Variants in TDRD3 observed in about 807,000 individuals in gnomAD.
TDRD3 encodes the protein tudor domain-containing protein 3.
In TDRD3, 45 loss-of-function variants were observed where a neutral mutation model predicts 86.7. That is an observed-to-expected ratio of 0.52 (90% confidence interval 0.41 to 0.67). The LOEUF (loss-of-function observed/expected upper bound fraction) is 0.67. Ranked by LOEUF, TDRD3 falls within the 30% of genes least tolerant of loss-of-function variation. The probability of loss-of-function intolerance (pLI) is 0.00; values close to 1 mark genes in which losing one functional copy is unlikely to be tolerated. For synonymous variants in TDRD3, 298 were observed against 301.7 expected, an observed-to-expected ratio of 0.99 and a Z score of 0.13; for missense variants, 814 against 889.0, an observed-to-expected ratio of 0.92 and a Z score of 1.07.
chr13:60,466,964 ATG>A (rs1015388121), intron 4 of TDRD3, among the ~76,000 whole-genome samples: 8 of 151,858 alleles, frequency 5.3e-5, no homozygotes, highest in Non-Finnish European at 1.0e-4. Context: ...AGAGCTTCAA[ATG>A]TGTGTGTGTT....
chr13:60,455,316 T>C lies in TDRD3; in HGVS notation c.193-5064T>C, dbSNP rs150164476. 2.0e-5 allele frequency among the ~76,000 whole-genome samples: 3 copies of C among 152,378 alleles called. No individual in the cohort carries two copies. The East Asian group carries it at 5.8e-4, about 29-fold the overall frequency. On this transcript the variant is annotated intron_variant, in intron 3 of 13. Coordinates refer to ENST00000377881, the MANE Select transcript of TDRD3 (RefSeq NM_001146070.2). ...GTCGTCATAAGTGCTATTTAAAGCT[T>C]ATCTTTCAGGCTTTTAAAGCAGCTA...
chr13:60,554,103 C>T (rs904040406), intron 12 of TDRD3, among the ~76,000 whole-genome samples: 1 of 152,132 alleles, frequency 6.6e-6, no homozygotes, highest in African/African-American at 2.4e-5. Context: ...CAGTGATTTT[C>T]GTTTTAGCTC....
intron 12 of TDRD3, among the ~76,000 whole-genome samples, chr13:60,550,260 C>A (rs1462311475): frequency 6.6e-6 from 1 of 151,986 alleles, no homozygotes; most frequent in Non-Finnish European, 1.5e-5. Flanking sequence ...GTGATAAATT[C>A]TTTGGTAAAT....
intron 13 of TDRD3, among the ~76,000 whole-genome samples, chr13:60,571,166 A>G (rs1349253798): frequency 6.6e-6 from 1 of 152,206 alleles, no homozygotes; most frequent in Non-Finnish European, 1.5e-5. Flanking sequence ...ACCCTAAAAA[A>G]TAAGACATGT....
At chr13:60,476,723 T>A (rs1956193795) in intron 5 of TDRD3, among the ~76,000 whole-genome samples, 1 of 152,182 alleles carries the variant, frequency 6.6e-6, no homozygotes, top group South Asian at 2.1e-4. Context: ...TTGTGTTGTC[T>A]CTGATTTCTT....
intron 1 of TDRD3, among the ~76,000 whole-genome samples, chr13:60,400,078 A>C (rs571602727): frequency 8.5e-5 from 13 of 152,356 alleles, no homozygotes; most frequent in Admixed American, 7.2e-4. Context: ...TGCTGATTTG[A>C]ACTTGAATGT....
chr13:60,548,695 A>G (rs1358258464), intron 12 of TDRD3, among the ~76,000 whole-genome samples: 1 of 152,192 alleles, frequency 6.6e-6, no homozygotes, highest in Non-Finnish European at 1.5e-5. Context: ...TGAAACAGTA[A>G]AATACACTTT....
In TDRD3 at chr13:60,510,859, T is replaced by C. The variant is rs1957044706; in HGVS notation, c.1141+104T>C. ...AAAGACCAAACTTTATTTAGAATTG[T>C]AGTGTAAAACAACTATAATATGAAC... On this transcript the variant is annotated intron_variant, in intron 10 of 13. Coordinates refer to ENST00000377881, the MANE Select transcript of TDRD3 (RefSeq NM_001146070.2). The C allele has an allele frequency of 9.6e-6, 11 of 1,150,724 alleles. No homozygotes were observed. In the South Asian group the frequency reaches 1.6e-4, roughly 17 times the overall value. The allele number at this position is 1,150,724 out of a possible 1,614,324, so 71.3% of individuals were successfully genotyped here.
At chr13:60,572,110 A>G (rs1246263525) in intron 13 of TDRD3, among the ~76,000 whole-genome samples, 1 of 152,178 alleles carries the variant, frequency 6.6e-6, no homozygotes, top group East Asian at 1.9e-4. Context: ...GGAACTAGAT[A>G]CTAATTAGTA....
intron 12 of TDRD3, among the ~76,000 whole-genome samples, chr13:60,553,732 A>G (rs1397098816): frequency 2.6e-5 from 4 of 152,068 alleles, no homozygotes; most frequent in Admixed American, 2.6e-4. Context: ...CTCACTCACT[A>G]TCACGAGAAC....
intron 12 of TDRD3, among the ~76,000 whole-genome samples, chr13:60,564,658 A>C (rs149360425): frequency 1.1e-4 from 17 of 152,356 alleles, no homozygotes; most frequent in Non-Finnish European, 1.0e-4. Context: ...ATGGCCTTCC[A>C]GAACTGTGCC....
At chr13:60,492,768 A>G (rs1956615045) in intron 7 of TDRD3, among the ~76,000 whole-genome samples, 1 of 152,090 alleles carries the variant, frequency 6.6e-6, no homozygotes, top group South Asian at 2.1e-4. Context: ...TTTAATTTTG[A>G]TTTGAGTTAA....
chr13:60,551,870 A>T (rs1333972997), intron 12 of TDRD3, among the ~76,000 whole-genome samples: 1 of 152,116 alleles, frequency 6.6e-6, no homozygotes, highest in East Asian at 1.9e-4. Context: ...CACTTTTAAA[A>T]CCATCAGTTC....
chr13:60,492,917 C>A (rs370854961), intron 7 of TDRD3, among the ~76,000 whole-genome samples: 1 of 115,470 alleles, frequency 8.7e-6, no homozygotes, highest in Non-Finnish European at 1.8e-5. Context: ...TCTTTCTTTT[C>A]TTTTTTTTTT....
chr13:60,441,316 A>G (rs1224193293), intron 2 of TDRD3, among the ~76,000 whole-genome samples: 1 of 152,130 alleles, frequency 6.6e-6, no homozygotes, highest in Non-Finnish European at 1.5e-5. Context: ...GTAAATAGCA[A>G]TAAACTATAA....
intron 1 of TDRD3, among the ~76,000 whole-genome samples, chr13:60,398,877 C>A (rs1262920057): frequency 3.3e-5 from 5 of 152,206 alleles, no homozygotes; most frequent in African/African-American, 1.2e-4. Flanking sequence ...TTTTTACCCA[C>A]AAGGGTGTCC....
At chr13:60,568,929 A>G (rs538591331) in intron 13 of TDRD3, among the ~76,000 whole-genome samples, 1 of 152,276 alleles carries the variant, frequency 6.6e-6, no homozygotes, top group East Asian at 1.9e-4. Flanking sequence ...CAAAAATGCT[A>G]CTATTTCTAT....
chr13:60,467,532 T>C (rs1355825384), intron 5 of TDRD3, among the ~76,000 whole-genome samples, 153 bp downstream of exon 5: 1 of 152,230 alleles, frequency 6.6e-6, no homozygotes, highest in Non-Finnish European at 1.5e-5. Flanking sequence ...TTTGTCTAAG[T>C]GTATTGTTTC....
chr13:60,432,531 G>C (rs967588597), intron 1 of TDRD3, among the ~76,000 whole-genome samples: 1 of 152,118 alleles, frequency 6.6e-6, no homozygotes, highest in Non-Finnish European at 1.5e-5. Flanking sequence ...AGTATAGTAA[G>C]AGTCTATAAG....
Sources: allele counts gnomAD v4.1 joint callset (sites outside exome capture counted in the v4.1 genomes callset), GRCh38; gene constraint gnomAD v4.1.1; transcripts MANE v1.5; gene names NCBI Gene and HGNC (gene_info 2026-07-23, HGNC 2026-07-21).